Variants in RIMS1 observed in about 807,000 individuals in gnomAD.
RIMS1 encodes the protein regulating synaptic membrane exocytosis protein 1.
RIMS1 carries 83 observed loss-of-function variants against 214.1 expected under a neutral mutation model. The ratio of observed to expected loss-of-function variants is 0.39; its 90% CI spans 0.32 to 0.47. The LOEUF (loss-of-function observed/expected upper bound fraction) is 0.47. Ranked by LOEUF, RIMS1 falls within the 20% of genes least tolerant of loss-of-function variation. The pLI is 0.99. For missense variants in RIMS1, 2,050 were observed against 2,161.8 expected, an observed-to-expected ratio of 0.95 and a Z score of 1.03; for synonymous variants, 793 against 786.8, an observed-to-expected ratio of 1.01 and a Z score of -0.13.
chr6:72,382,540 A>G (rs1244418553), intron 29 of RIMS1, among the ~76,000 whole-genome samples: 1 of 152,224 alleles, frequency 6.6e-6, no homozygotes, highest in Non-Finnish European at 1.5e-5. Context: ...GTAAAATTGT[A>G]TAAGGAAGAC....
At chr6:72,207,781 A>T (rs2083762243) in intron 6 of RIMS1, among the ~76,000 whole-genome samples, 1 of 152,056 alleles carries the variant, frequency 6.6e-6, no homozygotes, top group African/African-American at 2.4e-5. Context: ...AAACAAAAAA[A>T]TTCTCCCCAA....
chr6:71,910,368 T>G (rs1776516635), intron 1 of RIMS1, among the ~76,000 whole-genome samples: 1 of 152,190 alleles, frequency 6.6e-6, no homozygotes, highest in South Asian at 2.1e-4. Context: ...TGTGCATTCT[T>G]GGACTGGACA....
intron 2 of RIMS1, among the ~76,000 whole-genome samples, chr6:72,091,790 T>TGTGGATTGTA (rs1441839345): frequency 1.3e-5 from 2 of 152,212 alleles, no homozygotes; most frequent in African/African-American, 2.4e-5. Flanking sequence ...ATACTCTCCA[T>TGTGGATTGTA]TTTCCATGTG....
Position 71,887,077 on chromosome 6 carries a change from C to A in RIMS1, c.54C>A (p.Pro18=), listed in dbSNP as rs771432103. 2.5e-6 allele frequency: 4 copies of A among 1,613,536 alleles called. No individual in the cohort carries two copies. The highest frequency in any genetic ancestry group is 3.3e-5 in the Admixed American group (2 of 59,970). ...CTCGCCCACCCACGGTGCCTCCCCCCATGCAAGAGCTGCCCGACCTGAGCC... is the reference window on the plus strand; with the variant it reads ...CTCGCCCACCCACGGTGCCTCCCCCAATGCAAGAGCTGCCCGACCTGAGCC... ...RGPRPPTVPP[P]MQELPDLSHL... Residue 18 remains proline, a synonymous_variant, in exon 1 of 34, where the codon CCC becomes CCA. Transcript: ENST00000521978.
intron 4 of RIMS1, among the ~76,000 whole-genome samples, chr6:72,164,643 T>A (rs1231305827): frequency 3.3e-5 from 5 of 152,206 alleles, no homozygotes; most frequent in African/African-American, 1.2e-4. Context: ...TGGCATAATG[T>A]CTCTCATTGG....
chr6:72,036,546 C>T (rs1427191034), intron 2 of RIMS1, among the ~76,000 whole-genome samples: 1 of 152,154 alleles, frequency 6.6e-6, no homozygotes, highest in East Asian at 1.9e-4. Context: ...GATCTACTTC[C>T]ATCCTCAGCT....
intron 29 of RIMS1, among the ~76,000 whole-genome samples, chr6:72,351,881 T>A (rs751605122): frequency 6.6e-6 from 1 of 152,196 alleles, no homozygotes; most frequent in Non-Finnish European, 1.5e-5. Context: ...ACCCTAAGAC[T>A]AAGCTGAAGC....
chr6:72,251,491 C>G, intron 15 of RIMS1, 123 bp downstream of exon 15: 1 of 821,510 alleles, frequency 1.2e-6, no homozygotes, highest in East Asian at 2.8e-5. Flanking sequence ...GAAAATTGTT[C>G]ATCTTTATGA....
intron 29 of RIMS1, among the ~76,000 whole-genome samples, chr6:72,386,351 C>T (rs532599535): frequency 8.5e-5 from 13 of 152,306 alleles, no homozygotes; most frequent in African/African-American, 2.6e-4. Flanking sequence ...TGCACTTCAC[C>T]GTCATCTGGA....
At chr6:72,094,982 C>T (rs902943000) in intron 2 of RIMS1, among the ~76,000 whole-genome samples, 6 of 151,204 alleles carry the variant, frequency 4.0e-5, no homozygotes, top group Non-Finnish European at 5.9e-5. Flanking sequence ...GACAGAGCCT[C>T]GCTCTGTCAC....
chr6:72,058,119 T>C (rs1826848976), intron 2 of RIMS1, among the ~76,000 whole-genome samples: 1 of 152,224 alleles, frequency 6.6e-6, no homozygotes, highest in African/African-American at 2.4e-5. Flanking sequence ...CAGCTGGTCC[T>C]CTTAAAGCAA....
At position 72,290,799 on chromosome 6, in the gene RIMS1, ACTGTGTT is replaced by A. The variant is rs2093262993; in HGVS notation, c.3678_3684del (p.Ser1228ThrfsTer15). 1 of 1,613,606 alleles carries A rather than the reference ACTGTGTT, an allele frequency of 6.2e-7. No homozygotes were observed. The highest frequency in any genetic ancestry group is 8.5e-7 in the Non-Finnish European group (1 of 1,179,794). Reference sequence around the variant, plus strand: ...CGAGTGAGCACTCTAGTATCAGAACACTGTGTTCTATGCACCACCTTGTCCCTGGAGG... The same window carrying A: ...CGAGTGAGCACTCTAGTATCAGAACACTATGCACCACCTTGTCCCTGGAGG... On this transcript the variant is annotated frameshift_variant, in exon 25 of 34. Coordinates refer to ENST00000521978, the MANE Select transcript of RIMS1 (RefSeq NM_014989.7). LOFTEE classifies it high-confidence loss of function.
chr6:72,332,236 A>G (rs1428081477), intron 28 of RIMS1, among the ~76,000 whole-genome samples: 1 of 151,812 alleles, frequency 6.6e-6, no homozygotes, highest in African/African-American at 2.4e-5. Context: ...GAAGATCAAA[A>G]TGGTAATAAG....
chr6:72,377,905 A>G (rs1013887342), intron 29 of RIMS1, among the ~76,000 whole-genome samples: 2 of 152,202 alleles, frequency 1.3e-5, no homozygotes, highest in Non-Finnish European at 2.9e-5. Flanking sequence ...TTGACTTCTC[A>G]GTAATGGTCG....
chr6:72,345,428 G>A (rs1189320588), intron 29 of RIMS1, among the ~76,000 whole-genome samples: 1 of 148,336 alleles, frequency 6.7e-6, no homozygotes, highest in African/African-American at 2.4e-5. Flanking sequence ...TTTTACATGT[G>A]TTAATTCCTT....
chr6:72,114,542 T>A (rs1418588313), intron 4 of RIMS1, among the ~76,000 whole-genome samples: 1 of 151,876 alleles, frequency 6.6e-6, no homozygotes, highest in Non-Finnish European at 1.5e-5. Flanking sequence ...AATATCAAAT[T>A]TTTTTTGTTA....
At chr6:72,108,974 G>T (rs968751118) in intron 4 of RIMS1, among the ~76,000 whole-genome samples, 10 of 150,968 alleles carry the variant, frequency 6.6e-5, no homozygotes, top group Non-Finnish European at 1.3e-4. Flanking sequence ...TCTTGCGATA[G>T]TTTACTGAGA....
intron 2 of RIMS1, among the ~76,000 whole-genome samples, chr6:72,036,356 A>C (rs1462157072): frequency 6.6e-6 from 1 of 152,210 alleles, no homozygotes; most frequent in Non-Finnish European, 1.5e-5. Flanking sequence ...CTGGAAAATC[A>C]TACCCATTCA....
intron 1 of RIMS1, among the ~76,000 whole-genome samples, chr6:71,956,608 A>T (rs1293009513): frequency 6.6e-6 from 1 of 152,188 alleles, no homozygotes; most frequent in Non-Finnish European, 1.5e-5. Flanking sequence ...ACTATTTTAC[A>T]GTAAAGACAG....
Sources: allele counts gnomAD v4.1 joint callset (sites outside exome capture counted in the v4.1 genomes callset), GRCh38; gene constraint gnomAD v4.1.1; transcripts MANE v1.5; gene names NCBI Gene and HGNC (gene_info 2026-07-23, HGNC 2026-07-21).